PCDHA8: variants seen among roughly 807,000 people sequenced by gnomAD.
PCDHA8 encodes the protein protocadherin alpha-8.
A neutral mutation model predicts 61.8 loss-of-function variants in PCDHA8; 53 were observed. That is an observed-to-expected ratio of 0.86 (90% CI 0.69 to 1.08). PCDHA8 has a LOEUF of 1.08. PCDHA8 is among the 50% of genes least tolerant of loss of function. The probability of loss-of-function intolerance (pLI) is 0.00; values close to 1 mark genes in which losing one functional copy is unlikely to be tolerated. For missense variants in PCDHA8, 1,293 were observed against 1,245.0 expected, an observed-to-expected ratio of 1.04 and a Z score of -0.58; for synonymous variants, 618 against 556.6, an observed-to-expected ratio of 1.11 and a Z score of -1.55.
intron 1 of PCDHA8, among the ~76,000 whole-genome samples, chr5:140,893,884 G>T (rs189719076): frequency 6.6e-6 from 1 of 152,296 alleles, no homozygotes; most frequent in Non-Finnish European, 1.5e-5. Flanking sequence ...AAAGTGGCCA[G>T]AAAGTTACTT....
At chr5:140,926,964 C>T (rs149218057) in intron 1 of PCDHA8, 1 of 1,606,346 alleles carries the variant, frequency 6.2e-7, no homozygotes, top group Non-Finnish European at 8.5e-7. Flanking sequence ...AGCTCGAGTA[C>T]TCAGTGCCGG....
At chr5:140,889,101 T>TCC in intron 1 of PCDHA8, among the ~76,000 whole-genome samples, 1 of 152,074 alleles carries the variant, frequency 6.6e-6, no homozygotes, top group East Asian at 1.9e-4. Context: ...AATTTTTTCA[T>TCC]CTTTATTCCA....
At chr5:140,987,990 C>T (rs57614084) in intron 3 of PCDHA8, among the ~76,000 whole-genome samples, 1 of 152,190 alleles carries the variant, frequency 6.6e-6, no homozygotes, top group African/African-American at 2.4e-5. Context: ...GACTCCATCT[C>T]TGATCCTTCC....
At chr5:140,926,946 A>C in intron 1 of PCDHA8, 1 of 1,590,228 alleles carries the variant, frequency 6.3e-7, no homozygotes, top group Non-Finnish European at 8.6e-7. Context: ...GCGGCGCTGC[A>C]GCGGGACAGC....
intron 1 of PCDHA8, among the ~76,000 whole-genome samples, chr5:140,963,607 G>A (rs558578531): frequency 2.0e-5 from 3 of 152,306 alleles, no homozygotes; most frequent in Non-Finnish European, 4.4e-5. Context: ...GACGTAATTG[G>A]GAAAGCTTAA....
intron 1 of PCDHA8, among the ~76,000 whole-genome samples, chr5:140,896,543 T>C (rs2065615880): frequency 6.6e-6 from 1 of 151,466 alleles, no homozygotes; most frequent in Non-Finnish European, 1.5e-5. Flanking sequence ...TTTCTTTTTT[T>C]TTTTTGTATT....
chr5:140,966,190 C>G (rs1251814900), intron 1 of PCDHA8: 1 of 203,228 alleles, frequency 4.9e-6, no homozygotes, highest in Non-Finnish European at 9.7e-6. Context: ...AGCCAGACTT[C>G]TAGGGGCTTG....
intron 1 of PCDHA8, among the ~76,000 whole-genome samples, chr5:140,914,901 G>A (rs2076874560): frequency 6.8e-6 from 1 of 147,044 alleles, no homozygotes; most frequent in African/African-American, 2.5e-5. Flanking sequence ...TTAACTTTGT[G>A]TTGTTTCTCT....
intron 1 of PCDHA8, chr5:140,869,197 C>T: frequency 6.2e-7 from 1 of 1,614,026 alleles, no homozygotes; most frequent in Non-Finnish European, 8.5e-7. Context: ...CGGCCAGCTC[C>T]ACTACTCCGT....
chr5:140,978,865 A>G, intron 1 of PCDHA8, 84 bp from the exon 2 acceptor site: 1 of 1,602,026 alleles, frequency 6.2e-7, no homozygotes, highest in South Asian at 1.1e-5. Flanking sequence ...GAAATATTTA[A>G]GGGAGTAACT....
chr5:140,915,771 G>T (rs1351294387), intron 1 of PCDHA8, among the ~76,000 whole-genome samples: 1 of 151,922 alleles, frequency 6.6e-6, no homozygotes, highest in Non-Finnish European at 1.5e-5. Flanking sequence ...TCTTGTCCAA[G>T]GCCTGCTGTA....
intron 1 of PCDHA8, among the ~76,000 whole-genome samples, chr5:140,933,223 A>G (rs1005553040): frequency 1.3e-5 from 2 of 152,018 alleles, no homozygotes; most frequent in African/African-American, 4.8e-5. Context: ...GTTATATTGC[A>G]TTTATGAAAA....
At chr5:140,947,086 CTG>C (rs1554218047) in intron 1 of PCDHA8, among the ~76,000 whole-genome samples, 1 of 151,518 alleles carries the variant, frequency 6.6e-6, no homozygotes, top group African/African-American at 2.4e-5. Context: ...AAACATCAGA[CTG>C]TAGCCCATAA....
At chr5:140,929,400 A>G (rs915139377) in intron 1 of PCDHA8, 5 of 1,509,110 alleles carry the variant, frequency 3.3e-6, no homozygotes, top group African/African-American at 2.8e-5. Flanking sequence ...TATTTCTTAG[A>G]CAAGCCTTTC....
At chr5:140,935,080 C>T (rs1163743447) in intron 1 of PCDHA8, among the ~76,000 whole-genome samples, 1 of 152,076 alleles carries the variant, frequency 6.6e-6, no homozygotes, top group Non-Finnish European at 1.5e-5. Flanking sequence ...TGTACATTTC[C>T]TTTCCCAGAA....
At chr5:140,974,879 A>G (rs1259634156) in intron 1 of PCDHA8, among the ~76,000 whole-genome samples, 1 of 152,212 alleles carries the variant, frequency 6.6e-6, no homozygotes, top group Non-Finnish European at 1.5e-5. Flanking sequence ...CAGTCTATGT[A>G]TCCCTTTTCT....
intron 1 of PCDHA8, among the ~76,000 whole-genome samples, chr5:140,880,485 G>T (rs957327401): frequency 6.6e-6 from 1 of 152,190 alleles, no homozygotes; most frequent in Non-Finnish European, 1.5e-5. Flanking sequence ...GACACAAGAA[G>T]AGAGCAATTG....
chr5:140,870,880 G>C (rs782304708), intron 1 of PCDHA8: 1 of 1,613,948 alleles, frequency 6.2e-7, no homozygotes, highest in South Asian at 1.1e-5. Context: ...GGTGGCGAAG[G>C]TGCGCGCAGT....
At chr5:140,928,489 C>A in intron 1 of PCDHA8, 1 of 1,614,152 alleles carries the variant, frequency 6.2e-7, no homozygotes. Context: ...TGGTGGCATT[C>A]CTCCCAGAAG....
Sources: allele counts gnomAD v4.1 joint callset (sites outside exome capture counted in the v4.1 genomes callset), GRCh38; gene constraint gnomAD v4.1.1; transcripts MANE v1.5; gene names NCBI Gene and HGNC (gene_info 2026-07-23, HGNC 2026-07-21).